The following GKAP1 variants were observed in gnomAD, a reference collection of about 807,000 sequenced individuals.
GKAP1 encodes the protein G kinase-anchoring protein 1.
Under a neutral mutation model 56.7 loss-of-function variants are expected in GKAP1, and 31 were observed. The observed-to-expected ratio is 0.55, with a 90% CI of 0.41 to 0.74. GKAP1 has a LOEUF of 0.74. Among genes scored for constraint, GKAP1 ranks in the 30% least tolerant of loss-of-function variants. The pLI is 0.00. For synonymous variants in GKAP1, 151 were observed against 138.6 expected, an observed-to-expected ratio of 1.09 and a Z score of -0.63; for missense variants, 364 against 402.3, an observed-to-expected ratio of 0.90 and a Z score of 0.82.
intron 8 of GKAP1, 82 bp downstream of exon 8, chr9:83,768,736 A>AT: frequency 2.6e-6 from 3 of 1,154,158 alleles, no homozygotes; most frequent in Admixed American, 4.5e-5. Context: ...TCATAATTTG[A>AT]TTCTACTGCT....
chr9:83,794,942 GGTCAGGA>G (rs1944219545), intron 4 of GKAP1, among the ~76,000 whole-genome samples: 2 of 151,998 alleles, frequency 1.3e-5, no homozygotes, highest in Non-Finnish European at 2.9e-5. Context: ...GATCATCTGA[GGTCAGGA>G]GTTCGAGACC....
intron 9 of GKAP1, among the ~76,000 whole-genome samples, chr9:83,751,268 T>TG (rs1943384141): frequency 6.6e-6 from 1 of 152,226 alleles, no homozygotes; most frequent in African/African-American, 2.4e-5. Context: ...CCCATGCCTT[T>TG]GTACATACAA....
At chr9:83,747,886 C>A (rs1943320951) in intron 10 of GKAP1, among the ~76,000 whole-genome samples, 1 of 152,162 alleles carries the variant, frequency 6.6e-6, no homozygotes, top group Admixed American at 6.5e-5. Flanking sequence ...ATCTGCCCAC[C>A]TTGGCCTCCC....
At position 83,784,822 on chromosome 9, in the gene GKAP1, T is replaced by C; in HGVS notation, c.455A>G (p.Glu152Gly). 1 of 1,583,560 alleles carries C rather than the reference T, an allele frequency of 6.3e-7. No homozygotes were observed. The highest frequency in any genetic ancestry group is 8.6e-7 in the Non-Finnish European group (1 of 1,163,250). Residue 152 changes from glutamate to glycine, a missense_variant, in exon 6 of 13, where the codon GAA (glutamate) becomes GGA (glycine). Glu to Gly is a moderately conservative substitution (Grantham distance 98). Transcript: ENST00000376371. Reference protein sequence around the residue: ...EEHKKEYEDAENTSTQSKVMN... With the variant: ...EEHKKEYEDAGNTSTQSKVMN... ...AACTTTGGACTGAGTTGAAGTATTT[T>C]CAGCATCTTCATACTCCTAAAAAGA...
chr9:83,816,084 G>C (rs1944586635), intron 2 of GKAP1, among the ~76,000 whole-genome samples: 2 of 150,178 alleles, frequency 1.3e-5, no homozygotes, highest in African/African-American at 4.9e-5. Flanking sequence ...AGCTACTCAG[G>C]AGGCTGAGGC....
intron 8 of GKAP1, among the ~76,000 whole-genome samples, chr9:83,767,924 T>A (rs1350387891): frequency 1.3e-5 from 2 of 152,188 alleles, no homozygotes. Flanking sequence ...TGGCCTCAAG[T>A]GATCTGCCCG....
At position 83,790,628 on chromosome 9, in the gene GKAP1, A is replaced by G. The variant is rs112284972; in HGVS notation, c.361-1950T>C. Among the ~76,000 whole-genome samples the G allele has an allele frequency of 7.5e-5, 10 of 133,104 alleles. 1 individual carries two copies. The highest frequency in any genetic ancestry group is 2.5e-4 in the African/African-American group (10 of 39,350). The allele number at this position is 133,104 out of a possible 152,430, so 87.3% of individuals were successfully genotyped here. A position where few individuals can be genotyped will look rare whatever the true frequency, so the allele number is the denominator to read the frequency against. On this transcript the variant is annotated intron_variant, in intron 4 of 12. Transcript: ENST00000376371. ...TGAAATACTAAAAATACAAAAAACA[A>G]AACAAAACAAAACAAAAAAACAAAC...
chr9:83,779,373 T>C (rs909533383), intron 7 of GKAP1, among the ~76,000 whole-genome samples: 3 of 149,934 alleles, frequency 2.0e-5, no homozygotes, highest in African/African-American at 7.3e-5. Context: ...TAGATTTCGT[T>C]TTCCTAGCCT....
At chr9:83,771,577 C>T (rs1943762174) in intron 7 of GKAP1, among the ~76,000 whole-genome samples, 1 of 152,158 alleles carries the variant, frequency 6.6e-6, no homozygotes, top group Non-Finnish European at 1.5e-5. Flanking sequence ...TTGCAAAGCA[C>T]TTAAACAAAC....
chr9:83,747,981 G>T lies in GKAP1; in HGVS notation c.904+328C>A, dbSNP rs534347079. On this transcript the variant is annotated intron_variant, in intron 10 of 12. Transcript: ENST00000376371. ...CTGGGAAACCTTTCTACTTTGTTGA[G>T]TCTTTTTTTCAATTTTTTTTATTGG... Among the ~76,000 whole-genome samples, 119 of 152,062 alleles carry T rather than the reference G, an allele frequency of 7.8e-4. 2 individuals are homozygous for T. The highest frequency in any genetic ancestry group is 1.5e-3 in the Non-Finnish European group (104 of 67,972).
Position 83,784,716 on chromosome 9 carries a change from T to A in GKAP1, c.561A>T (p.Glu187Asp), listed in dbSNP as rs1447358751. Residue 187 changes from glutamate (E) to aspartate (D), a missense_variant and splice_region_variant, in exon 6 of 13, where the codon GAA (glutamate) becomes GAT (aspartate). By Grantham distance (45) the Glu-to-Asp change is conservative. Coordinates refer to ENST00000376371, the MANE Select transcript of GKAP1 (RefSeq NM_025211.4). ...ATAATAGCATTGTATATACATTACC[T>A]TCCGAATGAAAATCTTTTAGTGATA... ...LTVSLKDFHSEDHISKKTEEL... is the reference protein window; with the variant it reads ...LTVSLKDFHSDDHISKKTEEL... 1 of 1,584,726 alleles carries A rather than the reference T, an allele frequency of 6.3e-7. No homozygotes were observed. Among genetic ancestry groups the A allele is most frequent in the Admixed American group, 1.8e-5 (1 of 55,090 alleles).
chr9:83,810,102 G>T (rs369900533), intron 2 of GKAP1, among the ~76,000 whole-genome samples: 2 of 152,138 alleles, frequency 1.3e-5, no homozygotes, highest in Admixed American at 6.6e-5. Context: ...ATGAGCCACC[G>T]CAACTGCCCC....
In GKAP1 at chr9:83,742,563, T is replaced by C. The variant is rs924968946; in HGVS notation, c.942A>G (p.Glu314=). ...TGAGCTCATTCTTGATACTTTGTGA[T>C]TCATCAACTTGCAGAAGTATTTCTG... is the stretch of plus-strand genomic sequence containing the variant. The part of the protein sequence containing the change: ...DKAEILLQVD[E]SQSIKNELTI... The change falls in exon 11 of 13, where the codon GAA becomes GAG. Residue 314 remains glutamate, a synonymous_variant. Transcript: ENST00000376371. 4.3e-6 allele frequency: 7 copies of C among 1,612,678 alleles called. No homozygotes were observed. The highest frequency in any genetic ancestry group is 2.7e-5 in the African/African-American group (2 of 74,890).
At chr9:83,786,333 G>A (rs929216694) in intron 5 of GKAP1, among the ~76,000 whole-genome samples, 8 of 151,982 alleles carry the variant, frequency 5.3e-5, no homozygotes, top group African/African-American at 1.2e-4. Context: ...ACCTCAGGTC[G>A]GGAGTTCAAG....
intron 8 of GKAP1, among the ~76,000 whole-genome samples, chr9:83,757,671 A>G (rs922397072): frequency 2.6e-5 from 4 of 152,214 alleles, no homozygotes; most frequent in African/African-American, 4.8e-5. Flanking sequence ...GGTGTAACAC[A>G]TTATATGGCA....
intron 4 of GKAP1, among the ~76,000 whole-genome samples, chr9:83,792,354 A>C (rs1022763469): frequency 1.3e-5 from 2 of 152,208 alleles, no homozygotes; most frequent in African/African-American, 4.8e-5. Flanking sequence ...AGGGCAGAAA[A>C]AAGAGGAATG....
chr9:83,767,038 A>C (rs1037171633), intron 8 of GKAP1, among the ~76,000 whole-genome samples: 2 of 152,202 alleles, frequency 1.3e-5, no homozygotes, highest in Non-Finnish European at 2.9e-5. Flanking sequence ...TATAGGGTCA[A>C]GAACAGGTTT....
At chr9:83,779,511 G>GTA (rs1189340369) in intron 7 of GKAP1, among the ~76,000 whole-genome samples, 20 of 104,660 alleles carry the variant, frequency 1.9e-4, no homozygotes, top group African/African-American at 3.6e-4. Flanking sequence ...ACATATATGT[G>GTA]TATATATATA....
At chr9:83,758,078 A>G (rs986223072) in intron 8 of GKAP1, among the ~76,000 whole-genome samples, 5 of 152,202 alleles carry the variant, frequency 3.3e-5, no homozygotes, top group Admixed American at 6.5e-5. Context: ...TAACTGACCT[A>G]CCTAGCGTTG....
Sources: gnomAD v4.1 joint callset for allele counts (sites outside exome capture counted in the v4.1 genomes callset) on GRCh38, gnomAD v4.1.1 for gene constraint, MANE v1.5 for transcripts, NCBI Gene and HGNC (gene_info 2026-07-23, HGNC 2026-07-21) for gene names.